TGM6: variants seen among roughly 807,000 people sequenced by gnomAD.
TGM6 encodes transglutaminase 6.
In TGM6, 74 loss-of-function variants were observed where a neutral mutation model predicts 77.5. The ratio of observed to expected loss-of-function variants is 0.96; its 90% CI spans 0.79 to 1.16. The LOEUF is 1.16. Ranked by LOEUF, TGM6 falls within the 50% of genes most tolerant of loss-of-function variation. The probability of loss-of-function intolerance (pLI) is 0.00; values close to 1 mark genes in which losing one functional copy is unlikely to be tolerated. For missense variants in TGM6, 968 were observed against 940.2 expected, an observed-to-expected ratio of 1.03 and a Z score of -0.39; for synonymous variants, 383 against 378.9, an observed-to-expected ratio of 1.01 and a Z score of -0.12.
At chr20:2,397,368 C>T (rs778659264) in intron 4 of TGM6, among the ~76,000 whole-genome samples, 6 of 152,148 alleles carry the variant, frequency 3.9e-5, no homozygotes, top group Non-Finnish European at 8.8e-5. Flanking sequence ...TGAGGAGTCA[C>T]GCACTGCCCT....
At chr20:2,399,435 A>T in intron 5 of TGM6, 126 bp from the exon 6 acceptor site, 1 of 1,293,846 alleles carries the variant, frequency 7.7e-7, no homozygotes. Flanking sequence ...TAATTTTCAG[A>T]CAGTTAAAAA....
intron 9 of TGM6, among the ~76,000 whole-genome samples, chr20:2,408,899 T>C (rs2084768250): frequency 1.3e-5 from 2 of 152,008 alleles, no homozygotes; most frequent in African/African-American, 2.4e-5. Flanking sequence ...GATAAGTATT[T>C]TGGGGAAAAA....
intron 6 of TGM6, 123 bp from the exon 7 acceptor site, chr20:2,400,183 C>T (rs2084696235): frequency 7.1e-7 from 1 of 1,403,996 alleles, no homozygotes; most frequent in Admixed American, 1.8e-5. Flanking sequence ...GAACTAGACA[C>T]ACAGACAAAG....
chr20:2,403,258 A>G, intron 7 of TGM6, 139 bp from the exon 8 acceptor site: 1 of 814,762 alleles, frequency 1.2e-6, no homozygotes, highest in Non-Finnish European at 2.1e-6. Flanking sequence ...GTGCTCATTC[A>G]TGTGGTTGAA....
intron 10 of TGM6, among the ~76,000 whole-genome samples, chr20:2,420,815 T>A (rs1037956500): frequency 2.0e-5 from 3 of 152,072 alleles, no homozygotes; most frequent in African/African-American, 7.3e-5. Flanking sequence ...GGTTTTTGTG[T>A]CTTGATGGGT....
rs180944527 is a variant in TGM6 at position 2,431,944 on chromosome 20, G to A, written c.1968-546G>A. 5.3e-5 allele frequency among the ~76,000 whole-genome samples: 8 copies of A among 152,364 alleles called. No individual in the cohort carries two copies. The East Asian group carries it at 1.5e-3, about 29-fold the overall frequency. On this transcript the variant is annotated intron_variant, in intron 12 of 12. Transcript: ENST00000202625. Reference sequence around the variant, plus strand: ...GGAACAGAGCAGATGAAAGCCCAGAGGGGGGAAGTTCAGGGCACAGACAGA... The same window carrying A: ...GGAACAGAGCAGATGAAAGCCCAGAAGGGGGAAGTTCAGGGCACAGACAGA...
rs929656099 is a variant in TGM6, at chr20:2,425,721, A to T, written c.1679-4725A>T. Among the ~76,000 whole-genome samples, 16 of 152,288 alleles carry T rather than the reference A, an allele frequency of 1.1e-4. 1 individual carries two copies. The South Asian group carries it at 3.1e-3, about 30-fold the overall frequency. On this transcript the variant is annotated intron_variant, in intron 10 of 12. Coordinates refer to ENST00000202625, the MANE Select transcript of TGM6 (RefSeq NM_198994.3). Reference sequence around the variant, plus strand: ...TTTTATGTCATGGTTCTTTAAAAAAATCTTAATTGATATATATTAGTAATA... The same window carrying T: ...TTTTATGTCATGGTTCTTTAAAAAATTCTTAATTGATATATATTAGTAATA...
chr20:2,387,829 G>T (rs759628106), intron 1 of TGM6, among the ~76,000 whole-genome samples: 24 of 152,224 alleles, frequency 1.6e-4, no homozygotes, highest in Non-Finnish European at 3.2e-4. Context: ...GGGGCAGATT[G>T]CCTGGGGGCT....
chr20:2,399,889 A>G (rs1441679238), intron 6 of TGM6, 151 bp downstream of exon 6: 2 of 760,988 alleles, frequency 2.6e-6, no homozygotes, highest in Non-Finnish European at 4.3e-6. Context: ...GAGAGAAGCC[A>G]GAGAATTTAT....
At position 2,431,007 on chromosome 20, in the gene TGM6, C is replaced by T; in HGVS notation, c.1947C>T (p.Leu649=). 2 of 1,614,020 alleles carry T rather than the reference C, an allele frequency of 1.2e-6. No homozygotes were observed. The highest frequency in any genetic ancestry group is 2.2e-5 in the South Asian group (2 of 91,076). The change falls in exon 12 of 13, where the codon CTC becomes CTT. Residue 649 remains leucine (L), a synonymous_variant. Transcript: ENST00000202625. Reference sequence around the variant, plus strand: ...TGATGGTGGAGGGCAGCGGCCTTCTCCAGGAACAGCTCAGCATCGAGTAAG... The same window carrying T: ...TGATGGTGGAGGGCAGCGGCCTTCTTCAGGAACAGCTCAGCATCGAGTAAG... ...CALMVEGSGL[L]QEQLSIDVPT...
chr20:2,398,709 A>G (rs2084685596), intron 5 of TGM6, among the ~76,000 whole-genome samples: 1 of 152,106 alleles, frequency 6.6e-6, no homozygotes, highest in African/African-American at 2.4e-5. Context: ...GCCCAGACTC[A>G]AGAGGAACCC....
Position 2,391,776 on chromosome 20 carries a change from TGGCTGACTAC to T in TGM6, c.8-2672_8-2663del, listed in dbSNP as rs546576288. Reference sequence around the variant, plus strand: ...TCACAGCTTTGCTTAAAACAATATTTGGCTGACTACGGCCCTTAGGATAAAAGGCAGACTC... The same window carrying T: ...TCACAGCTTTGCTTAAAACAATATTTGGCCCTTAGGATAAAAGGCAGACTC... On this transcript the variant is annotated intron_variant, in intron 1 of 12. Coordinates refer to ENST00000202625, the MANE Select transcript of TGM6 (RefSeq NM_198994.3). 1.2e-4 allele frequency among the ~76,000 whole-genome samples: 18 copies of T among 152,312 alleles called. 1 individual carries two copies. In the South Asian group the frequency reaches 3.7e-3, roughly 32 times the overall value.
intron 2 of TGM6, 40 bp from the exon 3 acceptor site, chr20:2,395,154 C>A (rs762604006): frequency 6.2e-7 from 1 of 1,605,488 alleles, no homozygotes; most frequent in Non-Finnish European, 8.5e-7. Flanking sequence ...GCTGGGTTTC[C>A]CAGGGGAAGG....
chr20:2,407,399 A>G (rs1340423881), intron 9 of TGM6, among the ~76,000 whole-genome samples: 3 of 152,196 alleles, frequency 2.0e-5, no homozygotes, highest in Non-Finnish European at 4.4e-5. Context: ...TGGGCAGATC[A>G]TCTGAGGTCA....
In TGM6 at chr20:2,420,459, T is replaced by C. The variant is rs1016226740; in HGVS notation, c.1678+2886T>C. 1.9e-4 allele frequency among the ~76,000 whole-genome samples: 29 copies of C among 152,220 alleles called. 1 individual carries two copies. Among genetic ancestry groups the C allele is most frequent in the African/African-American group, 6.5e-4 (27 of 41,456 alleles). On this transcript the variant is annotated intron_variant, in intron 10 of 12. Coordinates refer to ENST00000202625, the MANE Select transcript of TGM6 (RefSeq NM_198994.3). ...AGTGTGGTACATTTGTTACAATTAATGAGCCAATATTGGCACAGTATTATT... is the reference window on the plus strand; with the variant it reads ...AGTGTGGTACATTTGTTACAATTAACGAGCCAATATTGGCACAGTATTATT...
At chr20:2,395,098 G>C (rs952157823) in intron 2 of TGM6, 96 bp from the exon 3 acceptor site, 119 of 1,549,382 alleles carry the variant, frequency 7.7e-5, no homozygotes, top group Non-Finnish European at 1.0e-4. Context: ...AGTTCAGGGG[G>C]TGAAGGTGGG....
At position 2,394,583 on chromosome 20, in the gene TGM6, G is replaced by A; in HGVS notation, c.139G>A (p.Ala47Thr). The A allele has an allele frequency of 6.2e-7, 1 of 1,612,260 alleles. No individual in the cohort carries two copies. Among genetic ancestry groups the A allele is most frequent in the East Asian group, 2.2e-5 (1 of 44,870 alleles). Residue 47 changes from alanine to threonine, a missense_variant, in exon 2 of 13, where the codon GCC (alanine) becomes ACC (threonine). Coordinates refer to ENST00000202625, the MANE Select transcript of TGM6 (RefSeq NM_198994.3). ...SFSLTLELSR[A>T]LDCEEILIFT... ...CAGCCTCACGCTGGAGCTGAGCAGA[G>A]CCCTGGACTGTGAGGAGATCCTCAT...
intron 7 of TGM6, among the ~76,000 whole-genome samples, chr20:2,402,638 T>C (rs2084719457): frequency 6.6e-6 from 1 of 152,228 alleles, no homozygotes; most frequent in African/African-American, 2.4e-5. Flanking sequence ...GCTGTAAAGA[T>C]GCCAAGTCAG....
At chr20:2,398,162 G>A (rs2084682042) in intron 5 of TGM6, 116 bp downstream of exon 5, 2 of 1,551,162 alleles carry the variant, frequency 1.3e-6, no homozygotes, top group South Asian at 2.3e-5. Flanking sequence ...TGTTGTTGCA[G>A]AACCAACCAC....
Sources: allele counts gnomAD v4.1 joint callset (sites outside exome capture counted in the v4.1 genomes callset), GRCh38; gene constraint gnomAD v4.1.1; transcripts MANE v1.5; gene names NCBI Gene and HGNC (gene_info 2026-07-23, HGNC 2026-07-21).